CRTC3: variants seen among roughly 807,000 people sequenced by gnomAD.
CRTC3 encodes CREB-regulated transcription coactivator 3.
In CRTC3, 26 loss-of-function variants were observed where a neutral mutation model predicts 74.5. That is an observed-to-expected ratio of 0.35 (90% CI 0.26 to 0.48). The LOEUF (loss-of-function observed/expected upper bound fraction) is 0.48. CRTC3 is among the 20% of genes least tolerant of loss of function. The pLI is 0.99. For synonymous variants in CRTC3, 377 were observed against 325.8 expected (o/e 1.16, Z -1.69); for missense variants, 760 against 787.3 (o/e 0.97, Z 0.41).
intron 1 of CRTC3, among the ~76,000 whole-genome samples, chr15:90,531,230 C>A (rs2151051574): frequency 6.6e-6 from 1 of 152,202 alleles, no homozygotes; most frequent in South Asian, 2.1e-4. Context: ...ACACAAAATC[C>A]AAATTTCCGT....
In CRTC3 at chr15:90,626,044, C is replaced by T. The variant is rs1331298101; in HGVS notation, c.967+51C>T. ...CCTGGTGGCTTAATCATAGGTGGTCCCCACCCATGTGGCCTGTTCAGTGAA... is the reference window on the plus strand; with the variant it reads ...CCTGGTGGCTTAATCATAGGTGGTCTCCACCCATGTGGCCTGTTCAGTGAA... On this transcript the variant is annotated intron_variant, in intron 10 of 14. Coordinates refer to ENST00000268184, the MANE Select transcript of CRTC3 (RefSeq NM_022769.5). 5.0e-6 allele frequency: 7 copies of T among 1,386,184 alleles called. No individual in the cohort carries two copies. The South Asian group carries it at 5.8e-5, about 11-fold the overall frequency. 85.9% of individuals were successfully genotyped at this position (1,386,184 alleles called of 1,614,324 possible).
At chr15:90,640,367 C>T (rs1177364090) in intron 13 of CRTC3, among the ~76,000 whole-genome samples, 1 of 134,376 alleles carries the variant, frequency 7.4e-6, no homozygotes, top group African/African-American at 2.6e-5. Context: ...AAAAGGAAAG[C>T]CTTCCCCTTT....
chr15:90,632,780 T>C (rs1167956327), intron 11 of CRTC3, among the ~76,000 whole-genome samples: 1 of 152,202 alleles, frequency 6.6e-6, no homozygotes, highest in South Asian at 2.1e-4. Context: ...ACTTTTTGTA[T>C]TTTTAGTAGA....
intron 9 of CRTC3, among the ~76,000 whole-genome samples, 170 bp from the exon 10 acceptor site, chr15:90,625,606 C>T (rs545485294): frequency 3.3e-5 from 5 of 152,012 alleles, no homozygotes; most frequent in Non-Finnish European, 5.9e-5. Context: ...ATATGTGTTT[C>T]GGAGAGGTTA....
At chr15:90,618,734 G>A (rs993903013) in intron 8 of CRTC3, among the ~76,000 whole-genome samples, 2 of 152,188 alleles carry the variant, frequency 1.3e-5, no homozygotes, top group African/African-American at 4.8e-5. Flanking sequence ...GTCACCATTA[G>A]CATTAGTTGT....
intron 2 of CRTC3, among the ~76,000 whole-genome samples, chr15:90,551,453 T>C (rs577117306): frequency 3.2e-4 from 49 of 152,300 alleles, no homozygotes; most frequent in African/African-American, 1.2e-3. Flanking sequence ...AATTAAAAAT[T>C]CAGTTCCTTG....
chr15:90,629,605 T>G, intron 11 of CRTC3, 73 bp downstream of exon 11: 1 of 1,507,982 alleles, frequency 6.6e-7, no homozygotes, highest in Non-Finnish European at 9.1e-7. Context: ...TTCCTCCTCT[T>G]TACTATTTTG....
chr15:90,642,456 G>C lies in CRTC3; in HGVS notation c.*316G>C. Reference sequence around the variant, plus strand: ...TCCAGTCAGCCGATGTGTAAGAGTAGGAAATACTGTGTCACTGGAGGCCTC... The same window carrying C: ...TCCAGTCAGCCGATGTGTAAGAGTACGAAATACTGTGTCACTGGAGGCCTC... On this transcript the variant is annotated 3_prime_UTR_variant, in exon 15 of 15. Transcript: ENST00000268184. 4.4e-6 allele frequency: 2 copies of C among 452,924 alleles called. No homozygotes were observed. Among genetic ancestry groups the C allele is most frequent in the East Asian group, 7.8e-5 (2 of 25,752 alleles). 28.1% of individuals were successfully genotyped at this position (452,924 alleles called of 1,614,324 possible).
chr15:90,604,792 A>C (rs974061765), intron 5 of CRTC3, among the ~76,000 whole-genome samples: 1 of 152,232 alleles, frequency 6.6e-6, no homozygotes, highest in Non-Finnish European at 1.5e-5. Context: ...ATATGTGCTG[A>C]ATAAACATCA....
In CRTC3 at chr15:90,633,901, T is replaced by C. The variant is rs138915621; in HGVS notation, c.1266+4369T>C. On this transcript the variant is annotated intron_variant, in intron 11 of 14. Transcript: ENST00000268184. The stretch of plus-strand genomic sequence containing the variant: ...TCCATTTCTGCTCTCATTTTTAAAT[T>C]GCTATGAGTTCTTTTTTGTTCTCTG... Among the ~76,000 whole-genome samples the C allele has an allele frequency of 7.9e-5, 12 of 152,268 alleles. No homozygotes were observed. The East Asian group carries it at 2.3e-3, about 29-fold the overall frequency.
chr15:90,641,189 C>T lies in CRTC3; in HGVS notation c.1641C>T (p.Thr547=). Residue 547 remains threonine (T), a synonymous_variant, in exon 14 of 15, where the codon ACC becomes ACT. Transcript: ENST00000268184. The part of the protein sequence containing the change: ...PYSNCGSLPN[T]ILPEDSSTSL... ...CCAACTGCGGGAGTCTCCCGAACAC[C>T]ATCCTGCCAGGTGAGCGAGCTATCC... 6.2e-7 allele frequency: 1 copy of T among 1,610,768 alleles called. No individual in the cohort carries two copies. The highest frequency in any genetic ancestry group is 8.5e-7 in the Non-Finnish European group (1 of 1,177,074).
chr15:90,606,773 T>C (rs1968232975), intron 5 of CRTC3: 1 of 152,226 alleles, frequency 6.6e-6, no homozygotes, highest in Non-Finnish European at 1.5e-5. Context: ...GTGACAATGT[T>C]CACCTTTTAC....
intron 2 of CRTC3, among the ~76,000 whole-genome samples, chr15:90,552,673 T>G (rs1966862879): frequency 6.6e-6 from 1 of 152,190 alleles, no homozygotes; most frequent in African/African-American, 2.4e-5. Flanking sequence ...CTCAGTCTAG[T>G]TTTTTGTATG....
In CRTC3 at chr15:90,642,530, A is replaced by C. The variant is rs1234605981; in HGVS notation, c.*390A>C. ...GAACCACTGATCTCCGTCCGCACCGAAGGCGGGCCCGGAGTGGGAGGCTCG... is the reference window on the plus strand; with the variant it reads ...GAACCACTGATCTCCGTCCGCACCGCAGGCGGGCCCGGAGTGGGAGGCTCG... On this transcript the variant is annotated 3_prime_UTR_variant, in exon 15 of 15. Transcript: ENST00000268184. The C allele has an allele frequency of 1.2e-5, 4 of 321,530 alleles. No homozygotes were observed. Among genetic ancestry groups the C allele is most frequent in the Non-Finnish European group, 1.8e-5 (3 of 171,250 alleles). The allele number at this position is 321,530 out of a possible 1,614,324, so 19.9% of individuals were successfully genotyped here. A position where few individuals can be genotyped will look rare whatever the true frequency, so the allele number is the denominator to read the frequency against.
chr15:90,583,506 C>CA (rs1339542908), intron 2 of CRTC3, among the ~76,000 whole-genome samples: 4 of 152,028 alleles, frequency 2.6e-5, no homozygotes, highest in Non-Finnish European at 4.4e-5. Context: ...ATCAGCTGGT[C>CA]AAAAAAGGCA....
chr15:90,632,538 T>C (rs907016964), intron 11 of CRTC3, among the ~76,000 whole-genome samples: 4 of 152,242 alleles, frequency 2.6e-5, no homozygotes, highest in African/African-American at 7.2e-5. Context: ...TCTTTCCCTC[T>C]CGTTAGGCAT....
At chr15:90,576,057 G>A (rs1162535606) in intron 2 of CRTC3, among the ~76,000 whole-genome samples, 1 of 152,042 alleles carries the variant, frequency 6.6e-6, no homozygotes, top group Non-Finnish European at 1.5e-5. Context: ...GTAATCCAGG[G>A]GAGAATGGAT....
chr15:90,561,984 A>G (rs964314020), intron 2 of CRTC3, among the ~76,000 whole-genome samples: 1 of 152,256 alleles, frequency 6.6e-6, no homozygotes, highest in Non-Finnish European at 1.5e-5. Flanking sequence ...GCTCAAAGGC[A>G]ATAGTCAGTG....
At chr15:90,641,660 G>C (rs917725933) in intron 14 of CRTC3, among the ~76,000 whole-genome samples, 28 of 150,520 alleles carry the variant, frequency 1.9e-4, no homozygotes, top group Admixed American at 8.0e-4. Flanking sequence ...TTGTGCCACT[G>C]TACTCCAGCC....
Sources: gnomAD v4.1 joint callset for allele counts (sites outside exome capture counted in the v4.1 genomes callset) on GRCh38, gnomAD v4.1.1 for gene constraint, MANE v1.5 for transcripts, NCBI Gene and HGNC (gene_info 2026-07-23, HGNC 2026-07-21) for gene names.